The following BRINP3 variants were observed in gnomAD, a reference collection of about 807,000 sequenced individuals.
BRINP3 encodes BMP/retinoic acid inducible neural specific 3, also known as BMP/retinoic acid-inducible neural-specific protein 3.
In BRINP3, 19 loss-of-function variants were observed where a neutral mutation model predicts 71.0. That is an observed-to-expected ratio of 0.27 (90% CI 0.19 to 0.39). The LOEUF (loss-of-function observed/expected upper bound fraction) is 0.39, where lower values mean the gene tolerates loss of function less well. Ranked by LOEUF, BRINP3 falls within the 10% of genes least tolerant of loss-of-function variation. The pLI, the probability that BRINP3 is intolerant of heterozygous loss-of-function variation, is 1.00. For missense variants in BRINP3, 959 were observed against 940.8 expected, an observed-to-expected ratio of 1.02 and a Z score of -0.25; for synonymous variants, 380 against 337.7, an observed-to-expected ratio of 1.13 and a Z score of -1.37.
intron 7 of BRINP3, among the ~76,000 whole-genome samples, chr1:190,154,289 A>G (rs1401616803): frequency 6.6e-6 from 1 of 152,148 alleles, no homozygotes; most frequent in East Asian, 1.9e-4. Context: ...AAGGAAGAGA[A>G]GATGCAAAGG....
chr1:190,240,314 G>T (rs1476726881), intron 4 of BRINP3, among the ~76,000 whole-genome samples: 1 of 151,802 alleles, frequency 6.6e-6, no homozygotes, highest in Non-Finnish European at 1.5e-5. Context: ...GCTTTTTAGA[G>T]TATTTTCAAA....
At chr1:190,226,046 A>G (rs1265750062) in intron 6 of BRINP3, 36 bp downstream of exon 6, 5 of 1,313,262 alleles carry the variant, frequency 3.8e-6, no homozygotes, top group Non-Finnish European at 5.2e-6. Context: ...TTTTTTGTCA[A>G]TATTTAAAAG....
At chr1:190,135,026 A>T (rs1247236650) in intron 7 of BRINP3, among the ~76,000 whole-genome samples, 1 of 152,118 alleles carries the variant, frequency 6.6e-6, no homozygotes, top group Non-Finnish European at 1.5e-5. Flanking sequence ...ATGTATATAC[A>T]TCAATTAGCA....
rs185455219 is a variant in BRINP3 at position 190,161,437 on chromosome 1, C to T, written c.962-547G>A. Among the ~76,000 whole-genome samples the T allele has an allele frequency of 2.4e-4, 37 of 151,506 alleles. No homozygotes were observed. In the East Asian group the frequency reaches 6.4e-3, roughly 26 times the overall value. On this transcript the variant is annotated intron_variant, in intron 6 of 7. Coordinates refer to ENST00000367462, the MANE Select transcript of BRINP3 (RefSeq NM_199051.3). ...TAAAATTATAATATTAAACTATGCA[C>T]CCTAATTATAACCGATCTTATTTTT...
chr1:190,338,650 C>T (rs1172097284), intron 2 of BRINP3, among the ~76,000 whole-genome samples: 2 of 151,872 alleles, frequency 1.3e-5, no homozygotes, highest in African/African-American at 2.4e-5. Context: ...TTTTGTCTAT[C>T]AATTTATAAT....
chr1:190,290,438 T>C (rs1290870508), intron 2 of BRINP3, among the ~76,000 whole-genome samples: 1 of 152,158 alleles, frequency 6.6e-6, no homozygotes, highest in Non-Finnish European at 1.5e-5. Flanking sequence ...AGCACATTGA[T>C]ATAGACAAAT....
chr1:190,438,451 A>G (rs1674610522), intron 2 of BRINP3, among the ~76,000 whole-genome samples: 1 of 149,710 alleles, frequency 6.7e-6, no homozygotes, highest in Non-Finnish European at 1.5e-5. Flanking sequence ...AAATTTTCAA[A>G]ATTGCATTTT....
At chr1:190,103,801 C>A (rs1273273318) in intron 7 of BRINP3, among the ~76,000 whole-genome samples, 1 of 151,746 alleles carries the variant, frequency 6.6e-6, no homozygotes, top group Non-Finnish European at 1.5e-5. Flanking sequence ...AAATTTTACA[C>A]ATAAGAAGAA....
At chr1:190,300,595 G>A (rs1214901935) in intron 2 of BRINP3, among the ~76,000 whole-genome samples, 4 of 152,140 alleles carry the variant, frequency 2.6e-5, no homozygotes, top group Non-Finnish European at 5.9e-5. Flanking sequence ...CGGGCAGACT[G>A]CCTCCTCAAG....
chr1:190,401,783 C>T (rs1300580390), intron 2 of BRINP3, among the ~76,000 whole-genome samples: 2 of 152,098 alleles, frequency 1.3e-5, no homozygotes, highest in African/African-American at 4.8e-5. Flanking sequence ...GTTATACATA[C>T]ACATGTAGTT....
chr1:190,400,429 C>T (rs187362547), intron 2 of BRINP3, among the ~76,000 whole-genome samples: 2 of 152,230 alleles, frequency 1.3e-5, no homozygotes, highest in East Asian at 3.9e-4. Flanking sequence ...AAAAAAGTTA[C>T]TGGGTGATGT....
intron 2 of BRINP3, among the ~76,000 whole-genome samples, chr1:190,358,857 T>C (rs1668928502): frequency 6.6e-6 from 1 of 152,150 alleles, no homozygotes; most frequent in Non-Finnish European, 1.5e-5. Flanking sequence ...TCATGTCCTT[T>C]GCAGGGACAT....
intron 1 of BRINP3, among the ~76,000 whole-genome samples, chr1:190,466,906 A>G (rs1395903287): frequency 6.6e-6 from 1 of 151,648 alleles, no homozygotes; most frequent in African/African-American, 2.4e-5. Context: ...ATTTAAAAAA[A>G]TTATTGGAAA....
intron 6 of BRINP3, among the ~76,000 whole-genome samples, chr1:190,199,751 C>T (rs1654821399): frequency 7.2e-6 from 1 of 138,546 alleles, no homozygotes. Flanking sequence ...TTGCAATCTG[C>T]TATTCTTGTC....
At position 190,226,319 on chromosome 1, in the gene BRINP3, C is replaced by T. The variant is rs1657375155; in HGVS notation, c.725-1G>A. 6.6e-7 allele frequency: 1 copy of T among 1,513,880 alleles called. No homozygotes were observed. The highest frequency in any genetic ancestry group is 8.9e-7 in the Non-Finnish European group (1 of 1,127,306). The allele number at this position is 1,513,880 out of a possible 1,614,324, so 93.8% of individuals were successfully genotyped here. On this transcript the variant is annotated splice_acceptor_variant, in intron 5 of 7. Transcript: ENST00000367462. LOFTEE classifies it high-confidence loss of function. Reference sequence around the variant, plus strand: ...TAGTCTGGGAGAAGTACTTGAAGCCCTTGAAGAACAAACAAAGAAATTAAC... The same window carrying T: ...TAGTCTGGGAGAAGTACTTGAAGCCTTTGAAGAACAAACAAAGAAATTAAC...
At chr1:190,380,578 T>G (rs1670483890) in intron 2 of BRINP3, among the ~76,000 whole-genome samples, 1 of 152,022 alleles carries the variant, frequency 6.6e-6, no homozygotes, top group Non-Finnish European at 1.5e-5. Context: ...AGAAAAGACA[T>G]CCTAGGACTG....
chr1:190,366,483 ACACAGCCAAATTATATCATTC>A (rs1256273681), intron 2 of BRINP3, among the ~76,000 whole-genome samples: 4 of 152,074 alleles, frequency 2.6e-5, no homozygotes, highest in African/African-American at 7.2e-5. Flanking sequence ...TTGGGTGAGG[ACACAGCCAAATTATATCATTC>A]CACCTTTGGC....
chr1:190,417,905 T>G (rs1223146224), intron 2 of BRINP3, among the ~76,000 whole-genome samples: 1 of 152,190 alleles, frequency 6.6e-6, no homozygotes, highest in Admixed American at 6.6e-5. Context: ...TTGATAGCTA[T>G]TATTCAACTC....
intron 6 of BRINP3, among the ~76,000 whole-genome samples, chr1:190,207,154 TA>T (rs1411039859): frequency 6.6e-6 from 1 of 152,088 alleles, no homozygotes; most frequent in African/African-American, 2.4e-5. Flanking sequence ...CTAAATTGTA[TA>T]AAGGAGAGGA....
Sources: gnomAD v4.1 joint callset for allele counts (sites outside exome capture counted in the v4.1 genomes callset) on GRCh38, gnomAD v4.1.1 for gene constraint, MANE v1.5 for transcripts, NCBI Gene and HGNC (gene_info 2026-07-23, HGNC 2026-07-21) for gene names.